Variants in FER observed in about 807,000 individuals in gnomAD.
The protein encoded by FER is tyrosine-protein kinase Fer.
In FER, 63 loss-of-function variants were observed where a neutral mutation model predicts 111.0. That is an observed-to-expected ratio of 0.57 (90% CI 0.46 to 0.70). The LOEUF is 0.70. Among genes scored for constraint, FER ranks in the 30% least tolerant of loss-of-function variants. The probability of loss-of-function intolerance (pLI) is 0.00; values close to 1 mark genes in which losing one functional copy is unlikely to be tolerated. For missense variants in FER, 914 were observed against 954.0 expected (o/e 0.96, Z 0.55); for synonymous variants, 327 against 313.9 (o/e 1.04, Z -0.44).
chr5:108,929,967 C>T (rs1027023840), intron 10 of FER, among the ~76,000 whole-genome samples: 1 of 151,954 alleles, frequency 6.6e-6, no homozygotes, highest in Non-Finnish European at 1.5e-5. Context: ...CCTTTTAGTT[C>T]CAAGGTAAGT....
chr5:108,885,274 C>A (rs182100310), intron 9 of FER, among the ~76,000 whole-genome samples: 114 of 152,076 alleles, frequency 7.5e-4, no homozygotes, highest in Non-Finnish European at 6.9e-4. Context: ...TACAACCCAA[C>A]CAAACTCAAC....
chr5:109,186,039 T>C (rs1035963483), intron 18 of FER, among the ~76,000 whole-genome samples, 161 bp from the exon 19 acceptor site: 1 of 152,196 alleles, frequency 6.6e-6, no homozygotes. Flanking sequence ...GCAATAGGAA[T>C]TTTTTAGCTC....
intron 17 of FER, among the ~76,000 whole-genome samples, chr5:109,133,813 A>G (rs913286591): frequency 1.3e-5 from 2 of 152,148 alleles, no homozygotes; most frequent in Non-Finnish European, 2.9e-5. Context: ...AAAGCCTATA[A>G]ACAAAATTTG....
At chr5:109,068,061 G>A (rs777228552) in intron 16 of FER, among the ~76,000 whole-genome samples, 4 of 151,934 alleles carry the variant, frequency 2.6e-5, no homozygotes, top group Non-Finnish European at 2.9e-5. Flanking sequence ...TTTCCCCTCA[G>A]ACCAAATTTA....
intron 9 of FER, among the ~76,000 whole-genome samples, chr5:108,887,446 A>T (rs1472259691): frequency 6.6e-6 from 1 of 151,616 alleles, no homozygotes; most frequent in Non-Finnish European, 1.5e-5. Context: ...AAATTGACAC[A>T]TTAGCAAAAA....
chr5:109,138,215 A>G (rs1245698511), intron 17 of FER, among the ~76,000 whole-genome samples: 1 of 152,220 alleles, frequency 6.6e-6, no homozygotes, highest in African/African-American at 2.4e-5. Context: ...TTACCAAGGG[A>G]TACTTGCCAG....
At chr5:108,782,794 A>G (rs1346597795) in intron 2 of FER, 1 of 152,110 alleles carries the variant, frequency 6.6e-6, no homozygotes, top group Non-Finnish European at 1.5e-5. Context: ...AAATTTTGTA[A>G]CAGTTGCCAG....
intron 8 of FER, among the ~76,000 whole-genome samples, chr5:108,873,935 T>G (rs1764850450): frequency 6.6e-6 from 1 of 152,208 alleles, no homozygotes; most frequent in South Asian, 2.1e-4. Context: ...GCAGAGTTTC[T>G]CAATTCCTGT....
intron 17 of FER, among the ~76,000 whole-genome samples, chr5:109,179,340 T>C (rs1439396480): frequency 6.6e-6 from 1 of 152,162 alleles, no homozygotes; most frequent in East Asian, 1.9e-4. Flanking sequence ...GGGATTTAAG[T>C]TTTTGTGTAT....
At chr5:109,044,086 G>A (rs574486151) in intron 14 of FER, among the ~76,000 whole-genome samples, 1 of 151,968 alleles carries the variant, frequency 6.6e-6, no homozygotes, top group Non-Finnish European at 1.5e-5. Context: ...TAGTGTGTTA[G>A]TCTTGTTTAT....
At chr5:108,866,449 G>A (rs1764072295) in intron 5 of FER, among the ~76,000 whole-genome samples, 2 of 152,130 alleles carry the variant, frequency 1.3e-5, no homozygotes, top group South Asian at 4.2e-4. Context: ...ATGGGGGGAA[G>A]GGGGAGTGAT....
rs564467374 is a variant in FER at position 108,800,979 on chromosome 5, G to A, written c.207+2590G>A. Among the ~76,000 whole-genome samples, 170 of 152,214 alleles carry A rather than the reference G, an allele frequency of 1.1e-3. 1 individual carries two copies. The highest frequency in any genetic ancestry group is 3.7e-3 in the African/African-American group (152 of 41,534). ...GGAGAATGGCGTGAACCCGGGAGGCGGAGCTTGCAGTGAGCCGAGGTCATG... is the reference window on the plus strand; with the variant it reads ...GGAGAATGGCGTGAACCCGGGAGGCAGAGCTTGCAGTGAGCCGAGGTCATG... On this transcript the variant is annotated intron_variant, in intron 3 of 19. Transcript: ENST00000281092.
At chr5:109,053,421 C>T (rs992859635) in intron 16 of FER, among the ~76,000 whole-genome samples, 3 of 150,538 alleles carry the variant, frequency 2.0e-5, no homozygotes, top group Non-Finnish European at 4.4e-5. Flanking sequence ...GGCTGTGAAG[C>T]TCATTGTGGC....
intron 10 of FER, among the ~76,000 whole-genome samples, chr5:108,943,973 A>G (rs559404271): frequency 7.2e-5 from 11 of 152,218 alleles, no homozygotes; most frequent in South Asian, 4.1e-4. Flanking sequence ...GGTTCGAGCA[A>G]TACTCCCCAC....
chr5:109,039,135 A>ATT (rs1272455890), intron 14 of FER, among the ~76,000 whole-genome samples: 2 of 152,032 alleles, frequency 1.3e-5, no homozygotes, highest in Non-Finnish European at 2.9e-5. Context: ...TGGCTAATTA[A>ATT]GACAATTAGC....
At chr5:109,004,125 A>T (rs555943946) in intron 13 of FER, among the ~76,000 whole-genome samples, 2 of 152,172 alleles carry the variant, frequency 1.3e-5, no homozygotes, top group African/African-American at 4.8e-5. Flanking sequence ...GTAAATCCCT[A>T]CAACTTTTCT....
chr5:108,789,938 A>G, intron 2 of FER, among the ~76,000 whole-genome samples: 1 of 152,188 alleles, frequency 6.6e-6, no homozygotes, highest in East Asian at 1.9e-4. Context: ...AAAGGTAAAC[A>G]TTGTTATTAC....
At chr5:109,010,240 C>G (rs1395503146) in intron 13 of FER, among the ~76,000 whole-genome samples, 3 of 152,170 alleles carry the variant, frequency 2.0e-5, no homozygotes, top group Non-Finnish European at 4.4e-5. Context: ...CCACTGCAAG[C>G]TCCGCCTCCT....
intron 13 of FER, among the ~76,000 whole-genome samples, chr5:108,990,070 T>TA (rs1227933359): frequency 1.3e-5 from 2 of 151,950 alleles, no homozygotes; most frequent in Non-Finnish European, 2.9e-5. Flanking sequence ...ATGTGACACA[T>TA]ACAATCTATT....
Sources: gnomAD v4.1 joint callset for allele counts (sites outside exome capture counted in the v4.1 genomes callset) on GRCh38, gnomAD v4.1.1 for gene constraint, MANE v1.5 for transcripts, NCBI Gene and HGNC (gene_info 2026-07-23, HGNC 2026-07-21) for gene names.